Variants in SYNRG observed in about 807,000 individuals in gnomAD.
The protein encoded by SYNRG is AP1 gamma subunit binding protein 1.
A neutral mutation model predicts 130.9 loss-of-function variants in SYNRG; 37 were observed. The ratio of observed to expected loss-of-function variants is 0.28; its 90% CI spans 0.22 to 0.37. The LOEUF is 0.37. SYNRG is among the 10% of genes least tolerant of loss of function. The pLI is 1.00. For synonymous variants in SYNRG, 539 were observed against 568.1 expected, an observed-to-expected ratio of 0.95 and a Z score of 0.73; for missense variants, 1,338 against 1,588.9, an observed-to-expected ratio of 0.84 and a Z score of 2.68.
At chr17:37,567,030 G>T (rs916633681) in intron 11 of SYNRG, 1 of 152,232 alleles carries the variant, frequency 6.6e-6, no homozygotes, top group Non-Finnish European at 1.5e-5. Context: ...GGTGGGAATT[G>T]GTTAGGAAAA....
At chr17:37,587,245 C>T (rs150870009) in intron 3 of SYNRG, among the ~76,000 whole-genome samples, 1 of 152,302 alleles carries the variant, frequency 6.6e-6, no homozygotes, top group East Asian at 1.9e-4. Flanking sequence ...CTCTTGGGCT[C>T]AAGAGATCCT....
In SYNRG at chr17:37,553,634, A is replaced by G; in HGVS notation, c.2089T>C (p.Phe697Leu). The G allele has an allele frequency of 6.2e-7, 1 of 1,613,968 alleles. No homozygotes were observed. Among genetic ancestry groups the G allele is most frequent in the East Asian group, 2.2e-5 (1 of 44,872 alleles). The change falls in exon 14 of 22, where the codon TTC (phenylalanine) becomes CTC (leucine). Residue 697 changes from phenylalanine (F) to leucine (L), a missense_variant. By Grantham distance (22) the Phe-to-Leu change is conservative (BLOSUM62 0). Around this residue, in one of 3 missense-constraint regions of SYNRG, gnomAD observed 1,146 missense variants for 1,342.3 expected, o/e 0.85. Coordinates refer to ENST00000612223, the MANE Select transcript of SYNRG (RefSeq NM_007247.6). ...EQDDFADFMA[F>L]SNSSISSEQK... ...TCAGATGAAATAGAGCTATTACTGA[A>G]AGCCATAAAATCTGCAAAGTCATCC...
chr17:37,602,054 G>C (rs1241365853), intron 1 of SYNRG, among the ~76,000 whole-genome samples: 3 of 152,070 alleles, frequency 2.0e-5, no homozygotes, highest in Non-Finnish European at 4.4e-5. Context: ...GTTAAGCTCT[G>C]GCCAGGCGCA....
chr17:37,568,723 C>T, intron 11 of SYNRG, 68 bp downstream of exon 11: 1 of 1,549,982 alleles, frequency 6.5e-7, no homozygotes, highest in Non-Finnish European at 8.8e-7. Context: ...CACACCTAGC[C>T]TTCCTATTAT....
Position 37,542,119 on chromosome 17 carries a change from C to T in SYNRG, c.3055G>A (p.Glu1019Lys), listed in dbSNP as rs368473938. The change falls in exon 15 of 22, where the codon GAA becomes AAA. Residue 1019 changes from glutamate (E) to lysine (K), a missense_variant. Transcript: ENST00000612223. ...AACTCTCCAAAGTCATCCGAACATTCGTTCGGGGTTTCTTGAGAGGCACCA... is the reference window on the plus strand; with the variant it reads ...AACTCTCCAAAGTCATCCGAACATTTGTTCGGGGTTTCTTGAGAGGCACCA... ...SSGASQETPN[E>K]CSDDFGEFQS... 36 of 1,614,062 alleles carry T rather than the reference C, an allele frequency of 2.2e-5. No homozygotes were observed. Among genetic ancestry groups the T allele is most frequent in the South Asian group, 6.6e-5 (6 of 91,086 alleles).
intron 19 of SYNRG, among the ~76,000 whole-genome samples, chr17:37,530,593 A>G (rs1228465721): frequency 6.6e-6 from 1 of 152,254 alleles, no homozygotes; most frequent in South Asian, 2.1e-4. Flanking sequence ...GGACTGCAGT[A>G]AACACGTGCT....
intron 11 of SYNRG, 134 bp downstream of exon 11, chr17:37,568,657 C>T (rs2060182323): frequency 6.3e-6 from 6 of 949,806 alleles, no homozygotes; most frequent in South Asian, 1.9e-5. Flanking sequence ...AGTATTAATA[C>T]AGAGGGAATA....
At chr17:37,599,699 A>G (rs9892947) in intron 2 of SYNRG, among the ~76,000 whole-genome samples, 103,145 of 152,100 alleles carry the variant, frequency 0.68, 36,678 homozygotes, top group East Asian at 0.9. Flanking sequence ...TCCAGCCTGG[A>G]CGACAGAGCA....
chr17:37,583,868 T>C (rs934551516), intron 6 of SYNRG, among the ~76,000 whole-genome samples: 5 of 152,138 alleles, frequency 3.3e-5, no homozygotes, highest in African/African-American at 1.2e-4. Context: ...CTTATTTTTG[T>C]ATTTTTAGTA....
intron 3 of SYNRG, among the ~76,000 whole-genome samples, chr17:37,593,866 A>G (rs1350429555): frequency 2.7e-5 from 4 of 149,376 alleles, no homozygotes; most frequent in African/African-American, 9.8e-5. Context: ...CCTGGGCAAC[A>G]AAACTCCCTC....
chr17:37,561,543 A>T lies in SYNRG; in HGVS notation c.1528T>A (p.Ser510Thr). 6.2e-7 allele frequency: 1 copy of T among 1,613,764 alleles called. No homozygotes were observed. The highest frequency in any genetic ancestry group is 2.2e-5 in the East Asian group (1 of 44,852). ...TTAAACACAGCATATTTGTCCATTGAAGGCAATGCTTTAGTTCCAGGAAGT... is the reference window on the plus strand; with the variant it reads ...TTAAACACAGCATATTTGTCCATTGTAGGCAATGCTTTAGTTCCAGGAAGT... The part of the protein sequence containing the change: ...MPLPGTKALP[S>T]MDKYAVFKGI... The change falls in exon 12 of 22, where the codon TCA (serine) becomes ACA (threonine). Residue 510 changes from serine (S) to threonine (T), a missense_variant. Ser to Thr is a moderately conservative substitution (Grantham distance 58). Coordinates refer to ENST00000612223, the MANE Select transcript of SYNRG (RefSeq NM_007247.6).
At chr17:37,590,372 A>G (rs1354729433) in intron 3 of SYNRG, among the ~76,000 whole-genome samples, 1 of 152,200 alleles carries the variant, frequency 6.6e-6, no homozygotes, top group African/African-American at 2.4e-5. Flanking sequence ...ATGTAACTAC[A>G]AAGGATTAGA....
At chr17:37,563,581 G>A (rs1389070777) in intron 11 of SYNRG, among the ~76,000 whole-genome samples, 2 of 152,144 alleles carry the variant, frequency 1.3e-5, no homozygotes, top group Non-Finnish European at 2.9e-5. Context: ...AGGCTGGAGT[G>A]CAGCGGCATG....
rs950180619 is a variant in SYNRG at position 37,579,288 on chromosome 17, G to A, written c.590-1675C>T. The A allele has an allele frequency of 2.3e-6, 3 of 1,303,804 alleles. No homozygotes were observed. The African/African-American group carries it at 4.5e-5, about 20-fold the overall frequency. 80.8% of individuals were successfully genotyped at this position (1,303,804 alleles called of 1,614,324 possible). On this transcript the variant is annotated intron_variant, in intron 6 of 21. Coordinates refer to ENST00000612223, the MANE Select transcript of SYNRG (RefSeq NM_007247.6). ...AACTGGCCAAGTGGGGTGGAGGGGT[G>A]GAAAGACTGAAAGGGCTGGGACGTG...
At position 37,517,075 on chromosome 17, in the gene SYNRG, G is replaced by A. The variant is rs142360557; in HGVS notation, c.*1865C>T. 0.032 allele frequency: 4,862 copies of A among 152,404 alleles called. 101 individuals carry two copies. The highest frequency in any genetic ancestry group is 0.046 in the Non-Finnish European group (3,125 of 68,150). The allele number at this position is 152,404 out of a possible 1,614,324, so 9.4% of individuals were successfully genotyped here. ...ACTAAAAATACAAAATTAGCTGGGC[G>A]TGGTGGTGCACGCCTGTAATCCCAG... On this transcript the variant is annotated 3_prime_UTR_variant, in exon 22 of 22. Transcript: ENST00000612223.
rs752944525 is a variant in SYNRG at position 37,542,175 on chromosome 17, T to C, written c.2999A>G (p.Gln1000Arg). ...KQDLPTAERSQEATCPSPASS... is the reference protein window; with the variant it reads ...KQDLPTAERSREATCPSPASS... ...CGCTGGGCTGGGACACGTGGCCTCCTGGCTCCGTTCAGCCGTAGGCAGGTC... is the reference window on the plus strand; with the variant it reads ...CGCTGGGCTGGGACACGTGGCCTCCCGGCTCCGTTCAGCCGTAGGCAGGTC... Residue 1000 changes from glutamine to arginine, a missense_variant, in exon 15 of 22, where the codon CAG (glutamine) becomes CGG (arginine). Gln to Arg is a conservative substitution (Grantham distance 43). Coordinates refer to ENST00000612223, the MANE Select transcript of SYNRG (RefSeq NM_007247.6). The C allele has an allele frequency of 5.0e-6, 8 of 1,614,248 alleles. No individual in the cohort carries two copies. In the South Asian group the frequency reaches 8.8e-5, roughly 18 times the overall value.
intron 17 of SYNRG, among the ~76,000 whole-genome samples, chr17:37,538,740 A>G (rs2057446173): frequency 6.6e-6 from 1 of 152,148 alleles, no homozygotes; most frequent in Non-Finnish European, 1.5e-5. Flanking sequence ...GATTACAGGC[A>G]CGTGCCACCA....
chr17:37,596,246 A>G lies in SYNRG; in HGVS notation c.217T>C (p.Ser73Pro), dbSNP rs775489443. The change falls in exon 3 of 22, where the codon TCC (serine) becomes CCC (proline). Residue 73 changes from serine to proline, a missense_variant. Around this residue, in one of 3 missense-constraint regions of SYNRG, gnomAD observed 184 missense variants for 217.2 expected, o/e 0.85. Transcript: ENST00000612223. ...IMGMNYSSQM[S>P]QGPIAMQAGI... ...ACCTGCATAGCAATAGGTCCTTGGG[A>G]CATCTGAGAGCTGTAATTCATTCCC... is the stretch of plus-strand genomic sequence containing the variant. 4 of 1,614,042 alleles carry G rather than the reference A, an allele frequency of 2.5e-6. No individual in the cohort carries two copies. The East Asian group carries it at 8.9e-5, about 36-fold the overall frequency.
intron 16 of SYNRG, 76 bp downstream of exon 16, chr17:37,540,304 C>G (rs2057622051): frequency 6.5e-7 from 1 of 1,532,622 alleles, no homozygotes; most frequent in East Asian, 2.3e-5. Context: ...CATGTGAAAG[C>G]TGACAGCATT....
Sources: allele counts gnomAD v4.1 joint callset (sites outside exome capture counted in the v4.1 genomes callset), GRCh38; gene constraint gnomAD v4.1.1; regional missense constraint gnomAD v4.1.1; transcripts MANE v1.5; gene names NCBI Gene and HGNC (gene_info 2026-07-23, HGNC 2026-07-21).